The following ARHGEF28 variants were observed in gnomAD, a reference collection of about 807,000 sequenced individuals.
ARHGEF28 encodes the protein Rho guanine nucleotide exchange factor 28.
Under a neutral mutation model 206.6 loss-of-function variants are expected in ARHGEF28, and 152 were observed. The observed-to-expected ratio is 0.74, with a 90% confidence interval of 0.64 to 0.84. The LOEUF (loss-of-function observed/expected upper bound fraction) is 0.84, where lower values mean the gene tolerates loss of function less well. Ranked by LOEUF, ARHGEF28 falls within the 40% of genes least tolerant of loss-of-function variation. The pLI, the probability that ARHGEF28 is intolerant of heterozygous loss-of-function variation, is 0.00. For synonymous variants in ARHGEF28, 763 were observed against 776.4 expected (o/e 0.98, Z 0.29); for missense variants, 2,028 against 2,073.2 (o/e 0.98, Z 0.42).
chr5:73,891,922 C>T, intron 26 of ARHGEF28, 130 bp from the exon 27 acceptor site: 1 of 785,258 alleles, frequency 1.3e-6, no homozygotes, highest in Non-Finnish European at 2.0e-6. Flanking sequence ...TCAACTTCTA[C>T]AGCTCTTTTG....
At chr5:73,663,121 A>G (rs1280342919) in intron 1 of ARHGEF28, among the ~76,000 whole-genome samples, 1 of 152,038 alleles carries the variant, frequency 6.6e-6, no homozygotes, top group Non-Finnish European at 1.5e-5. Context: ...ACACCTGGCT[A>G]ATTTTTGTAA....
intron 35 of ARHGEF28, among the ~76,000 whole-genome samples, chr5:73,916,537 C>G (rs990770002): frequency 1.1e-4 from 17 of 152,200 alleles, no homozygotes; most frequent in Admixed American, 3.9e-4. Context: ...CACCTTCTTC[C>G]TGCGTCTTCA....
intron 7 of ARHGEF28, among the ~76,000 whole-genome samples, chr5:73,787,324 T>G (rs1754223177): frequency 6.6e-6 from 1 of 152,182 alleles, no homozygotes; most frequent in Non-Finnish European, 1.5e-5. Context: ...AGTAGGGTAT[T>G]TTTGGCATTT....
intron 3 of ARHGEF28, 37 bp from the exon 4 acceptor site, chr5:73,752,872 A>G: frequency 1.2e-6 from 2 of 1,610,662 alleles, no homozygotes; most frequent in African/African-American, 1.3e-5. Context: ...CATCTCCTAC[A>G]GACTTGGGGT....
chr5:73,787,045 G>T (rs1353256801), intron 7 of ARHGEF28, among the ~76,000 whole-genome samples: 1 of 152,136 alleles, frequency 6.6e-6, no homozygotes, highest in East Asian at 1.9e-4. Context: ...AAACAATAGG[G>T]CTCTTATCCA....
At position 73,776,611 on chromosome 5, in the gene ARHGEF28, C is replaced by CCCTGAA; in HGVS notation, c.758_763dup (p.Leu253_Asn254dup). On this transcript the variant is annotated inframe_insertion, in exon 6 of 36. Coordinates refer to ENST00000513042, the MANE Select transcript of ARHGEF28 (RefSeq NM_001177693.2). ...CACTCATCGGAAACGCTGACCCTGA[C>CCCTGAA]CCTGAACCACACAGCCGAGCATTTG... is the stretch of plus-strand genomic sequence containing the variant. The CCCTGAA allele has an allele frequency of 5.0e-6, 8 of 1,613,974 alleles. No individual in the cohort carries two copies. The highest frequency in any genetic ancestry group is 5.9e-6 in the Non-Finnish European group (7 of 1,179,854).
At position 73,911,331 on chromosome 5, in the gene ARHGEF28, T is replaced by C. The variant is rs769790321; in HGVS notation, c.4704T>C (p.Asn1568=). ...GTCATGAAAACTCATTCTTCATCAA[T>C]GAAGCTTTAGTACAAATGTCATTTA... The part of the protein sequence containing the change: ...SLCHENSFFI[N]EALVQMSFNT... Residue 1568 remains asparagine, a synonymous_variant, in exon 35 of 36, where the codon AAT becomes AAC. Transcript: ENST00000513042. 6.2e-7 allele frequency: 1 copy of C among 1,611,506 alleles called. No individual in the cohort carries two copies. The highest frequency in any genetic ancestry group is 1.7e-5 in the Admixed American group (1 of 59,714).
intron 33 of ARHGEF28, chr5:73,908,379 C>G (rs566920115): frequency 3.3e-5 from 5 of 152,258 alleles, no homozygotes; most frequent in Non-Finnish European, 5.9e-5. Flanking sequence ...TTAAAAAATT[C>G]TTAGGAAGGA....
At chr5:73,772,103 A>G (rs1032104680) in intron 4 of ARHGEF28, among the ~76,000 whole-genome samples, 2 of 152,250 alleles carry the variant, frequency 1.3e-5, no homozygotes, top group East Asian at 1.9e-4. Flanking sequence ...CTATATCTCT[A>G]TAGATATAGA....
At chr5:73,745,795 A>G (rs968336179) in intron 2 of ARHGEF28, among the ~76,000 whole-genome samples, 57 of 152,102 alleles carry the variant, frequency 3.7e-4, no homozygotes, top group African/African-American at 1.1e-3. Flanking sequence ...ACTGATTCCA[A>G]CTGGTTCACT....
chr5:73,855,526 G>A (rs777871899), intron 14 of ARHGEF28, among the ~76,000 whole-genome samples: 138 of 152,112 alleles, frequency 9.1e-4, no homozygotes, highest in Non-Finnish European at 1.7e-3. Context: ...GAGGTCAGGA[G>A]TTCCAGACCA....
At chr5:73,904,979 T>C (rs1204338943) in intron 33 of ARHGEF28, 1 of 152,342 alleles carries the variant, frequency 6.6e-6, no homozygotes, top group Non-Finnish European at 1.5e-5. Flanking sequence ...AGAGCAGACA[T>C]AAAAAAGAAA....
chr5:73,737,799 G>C, intron 2 of ARHGEF28, among the ~76,000 whole-genome samples: 1 of 152,126 alleles, frequency 6.6e-6, no homozygotes, highest in Non-Finnish European at 1.5e-5. Flanking sequence ...TTACAGGCGT[G>C]AGCCACCATG....
chr5:73,857,533 C>A, intron 14 of ARHGEF28, 123 bp from the exon 15 acceptor site: 1 of 1,071,214 alleles, frequency 9.3e-7, no homozygotes, highest in Non-Finnish European at 1.3e-6. Flanking sequence ...CCACTAAAAC[C>A]TGAAAAAATA....
chr5:73,933,482 GC>G (rs1764245788), intron 35 of ARHGEF28, among the ~76,000 whole-genome samples: 1 of 152,268 alleles, frequency 6.6e-6, no homozygotes, highest in South Asian at 2.1e-4. Flanking sequence ...AACATAGTTG[GC>G]ATCCAGAAGA....
intron 2 of ARHGEF28, among the ~76,000 whole-genome samples, chr5:73,715,711 T>C (rs567293130): frequency 2.6e-5 from 4 of 152,242 alleles, no homozygotes; most frequent in African/African-American, 4.8e-5. Flanking sequence ...ATGTGTTGGA[T>C]AGAAGATGCC....
intron 27 of ARHGEF28, among the ~76,000 whole-genome samples, 196 bp downstream of exon 27, chr5:73,892,426 T>C (rs567109586): frequency 2.7e-4 from 41 of 152,276 alleles, no homozygotes; most frequent in African/African-American, 9.9e-4. Context: ...TGCACCTCCC[T>C]CTGCCTGTGT....
intron 1 of ARHGEF28, among the ~76,000 whole-genome samples, chr5:73,628,829 G>GTA (rs1436675065): frequency 6.6e-6 from 1 of 152,208 alleles, no homozygotes; most frequent in Non-Finnish European, 1.5e-5. Context: ...CTTAAGAAGT[G>GTA]TAGGTCAGGT....
intron 31 of ARHGEF28, chr5:73,903,486 G>A (rs1762384572): frequency 6.6e-6 from 1 of 152,210 alleles, no homozygotes. Context: ...ATAAACAAGT[G>A]TTCAATTATG....
Sources: allele counts gnomAD v4.1 joint callset (sites outside exome capture counted in the v4.1 genomes callset), GRCh38; gene constraint gnomAD v4.1.1; transcripts MANE v1.5; gene names NCBI Gene and HGNC (gene_info 2026-07-23, HGNC 2026-07-21).